Variants in PPM1H observed in about 807,000 individuals in gnomAD.
The protein encoded by PPM1H is protein phosphatase, Mg2+/Mn2+ dependent 1H.
A neutral mutation model predicts 54.9 loss-of-function variants in PPM1H; 27 were observed. The ratio of observed to expected loss-of-function variants is 0.49; its 90% CI spans 0.36 to 0.68. The LOEUF (loss-of-function observed/expected upper bound fraction) is 0.68. PPM1H is among the 30% of genes least tolerant of loss of function. The pLI is 0.00. For synonymous variants in PPM1H, 305 were observed against 270.8 expected, an observed-to-expected ratio of 1.13 and a Z score of -1.24; for missense variants, 596 against 667.8, an observed-to-expected ratio of 0.89 and a Z score of 1.19.
chr12:62,737,329 T>A (rs937437299), intron 5 of PPM1H, among the ~76,000 whole-genome samples, 173 bp downstream of exon 5: 1 of 151,804 alleles, frequency 6.6e-6, no homozygotes, highest in Non-Finnish European at 1.5e-5. Flanking sequence ...GAGTGTGTCG[T>A]CACACACGGA....
chr12:62,890,278 T>A (rs368934479), intron 1 of PPM1H, among the ~76,000 whole-genome samples: 1 of 152,156 alleles, frequency 6.6e-6, no homozygotes, highest in African/African-American at 2.4e-5. Context: ...CTGGGCAACA[T>A]TGGTGCAACC....
At chr12:62,932,627 G>GTTTTTTTTTTTTTT (rs1229452777) in intron 1 of PPM1H, among the ~76,000 whole-genome samples, 7 of 22,522 alleles carry the variant, frequency 3.1e-4, no homozygotes, top group South Asian at 1.6e-3. Context: ...GTCCAAATGG[G>GTTTTTTTTTTTTTT]CTTTTTTTTT....
At position 62,711,748 on chromosome 12, in the gene PPM1H, T is replaced by C. The variant is rs1401186540; in HGVS notation, c.1073+8423A>G. Among the ~76,000 whole-genome samples the C allele has an allele frequency of 4.6e-5, 7 of 152,184 alleles. No individual in the cohort carries two copies. In the East Asian group the frequency reaches 7.7e-4, roughly 17 times the overall value. On this transcript the variant is annotated intron_variant, in intron 6 of 9. Transcript: ENST00000228705. Reference sequence around the variant, plus strand: ...CTTTAGGACAATAAACTTTTACTCATTGAAGCAGAGAGACGTGTGTGAGTG... The same window carrying C: ...CTTTAGGACAATAAACTTTTACTCACTGAAGCAGAGAGACGTGTGTGAGTG...
intron 6 of PPM1H, among the ~76,000 whole-genome samples, chr12:62,712,920 T>G (rs2076215073): frequency 6.6e-6 from 1 of 152,226 alleles, no homozygotes; most frequent in South Asian, 2.1e-4. Context: ...TCAATTTATA[T>G]TAAATGCGGG....
chr12:62,728,010 G>A (rs2076299336), intron 5 of PPM1H, among the ~76,000 whole-genome samples: 1 of 151,980 alleles, frequency 6.6e-6, no homozygotes, highest in Non-Finnish European at 1.5e-5. Flanking sequence ...TAAAAAAAAA[G>A]GATCTCTTCT....
Position 62,802,293 on chromosome 12 carries a change from A to G in PPM1H, c.412-133T>C, listed in dbSNP as rs1486473707. Reference sequence around the variant, plus strand: ...CGTCTGCAAACAATGCGGTCAAAACATAGCAAACAAAACAAAATAAAACAA... The same window carrying G: ...CGTCTGCAAACAATGCGGTCAAAACGTAGCAAACAAAACAAAATAAAACAA... On this transcript the variant is annotated intron_variant, in intron 2 of 9. Transcript: ENST00000228705. 4 of 637,740 alleles carry G rather than the reference A, an allele frequency of 6.3e-6. No individual in the cohort carries two copies. In the African/African-American group the frequency reaches 7.6e-5, roughly 12 times the overall value. The allele number at this position is 637,740 out of a possible 1,614,324, so 39.5% of individuals were successfully genotyped here.
rs2076156758 is a variant in PPM1H at position 62,703,644 on chromosome 12, G to A, written c.1074-9645C>T. On this transcript the variant is annotated intron_variant, in intron 6 of 9. Transcript: ENST00000228705. The stretch of plus-strand genomic sequence containing the variant: ...ACACCACCCAGGCCTGGCTGGACAG[G>A]AACAGACATAAGCCTGGAGCCCAAA... Among the ~76,000 whole-genome samples, 4 of 152,140 alleles carry A rather than the reference G, an allele frequency of 2.6e-5. No individual in the cohort carries two copies. In the South Asian group the frequency reaches 8.3e-4, roughly 32 times the overall value.
At position 62,810,001 on chromosome 12, in the gene PPM1H, C is replaced by A. The variant is rs146660871; in HGVS notation, c.412-7841G>T. On this transcript the variant is annotated intron_variant, in intron 2 of 9. Coordinates refer to ENST00000228705, the MANE Select transcript of PPM1H (RefSeq NM_020700.2). ...GGATCACCTCAGCCCCTGTGCATCC[C>A]ATTTTCTGTACACCAGTATGCATCA... Among the ~76,000 whole-genome samples, 50 of 152,220 alleles carry A rather than the reference C, an allele frequency of 3.3e-4. No homozygotes were observed. The East Asian group carries it at 9.5e-3, about 29-fold the overall frequency.
chr12:62,732,789 G>T (rs937684705), intron 5 of PPM1H, among the ~76,000 whole-genome samples: 3 of 151,954 alleles, frequency 2.0e-5, no homozygotes, highest in African/African-American at 7.2e-5. Context: ...AGCCAGGATG[G>T]GGACCCAGAA....
At chr12:62,743,320 G>A (rs799231) in intron 4 of PPM1H, among the ~76,000 whole-genome samples, 45 of 152,152 alleles carry the variant, frequency 3.0e-4, no homozygotes, top group African/African-American at 7.9e-4. Flanking sequence ...ACCACTGCAC[G>A]CCAGCCTAGG....
At chr12:62,903,455 T>G (rs113675103) in intron 1 of PPM1H, among the ~76,000 whole-genome samples, 1,567 of 152,316 alleles carry the variant, frequency 0.01, 27 homozygotes, top group African/African-American at 0.035. Context: ...TTAATGCTTT[T>G]GTGATATTTG....
At chr12:62,854,689 G>A (rs1020048284) in intron 1 of PPM1H, among the ~76,000 whole-genome samples, 5 of 151,282 alleles carry the variant, frequency 3.3e-5, no homozygotes, top group African/African-American at 9.7e-5. Flanking sequence ...ATGAAATCAC[G>A]AGTATCACAT....
intron 6 of PPM1H, among the ~76,000 whole-genome samples, chr12:62,703,474 A>C (rs1447894884): frequency 6.6e-6 from 1 of 151,688 alleles, no homozygotes; most frequent in African/African-American, 2.4e-5. Flanking sequence ...TTAGAAACCA[A>C]GTCCTAGCCC....
intron 5 of PPM1H, among the ~76,000 whole-genome samples, chr12:62,726,881 T>C (rs1397262040): frequency 6.6e-6 from 1 of 152,180 alleles, no homozygotes; most frequent in African/African-American, 2.4e-5. Context: ...CTGTAAAGTG[T>C]TGGGGCAGGA....
intron 4 of PPM1H, among the ~76,000 whole-genome samples, chr12:62,766,810 T>G (rs754404914): frequency 2.0e-5 from 3 of 152,194 alleles, no homozygotes; most frequent in Non-Finnish European, 4.4e-5. Flanking sequence ...AAGTGTGAGC[T>G]TCAGGCTTTA....
intron 1 of PPM1H, among the ~76,000 whole-genome samples, chr12:62,865,785 C>A: frequency 6.6e-6 from 1 of 152,158 alleles, no homozygotes; most frequent in Non-Finnish European, 1.5e-5. Context: ...GCCTGAGCCA[C>A]CATGCCTGGC....
intron 1 of PPM1H, among the ~76,000 whole-genome samples, chr12:62,868,505 A>T (rs699567): frequency 0.65 from 98,515 of 152,022 alleles, 33,028 homozygotes; most frequent in African/African-American, 0.82. Context: ...TTTTAAAAAC[A>T]AGGACGGCAT....
At chr12:62,748,289 G>A (rs1370692486) in intron 4 of PPM1H, among the ~76,000 whole-genome samples, 1 of 151,912 alleles carries the variant, frequency 6.6e-6, no homozygotes, top group Non-Finnish European at 1.5e-5. Flanking sequence ...ACAAAGGGCA[G>A]CGATCAAGCT....
At chr12:62,910,299 T>C (rs982215497) in intron 1 of PPM1H, among the ~76,000 whole-genome samples, 1 of 152,236 alleles carries the variant, frequency 6.6e-6, no homozygotes, top group African/African-American at 2.4e-5. Context: ...GGGATGCTTA[T>C]GTCTATTTAT....
Sources: allele counts gnomAD v4.1 joint callset (sites outside exome capture counted in the v4.1 genomes callset), GRCh38; gene constraint gnomAD v4.1.1; transcripts MANE v1.5; gene names NCBI Gene and HGNC (gene_info 2026-07-23, HGNC 2026-07-21).